The following ENO3 variants were observed in gnomAD, a reference collection of about 807,000 sequenced individuals.
ENO3 encodes the protein enolase 3.
Under a neutral mutation model 47.7 loss-of-function variants are expected in ENO3, and 46 were observed. The observed-to-expected ratio is 0.96, with a 90% CI of 0.76 to 1.23. The LOEUF (loss-of-function observed/expected upper bound fraction) is 1.23. Among genes scored for constraint, ENO3 ranks in the 50% most tolerant of loss-of-function variants. ENO3 has a pLI of 0.00. For synonymous variants in ENO3, 223 were observed against 225.9 expected, an observed-to-expected ratio of 0.99 and a Z score of 0.11; for missense variants, 575 against 566.2, an observed-to-expected ratio of 1.02 and a Z score of -0.16.
In ENO3 at chr17:4,957,012, G is replaced by C; in HGVS notation, c.1270G>C (p.Ala424Pro). Residue 424 changes from alanine to proline, a missense_variant, in exon 12 of 12, where the codon GCT (alanine) becomes CCT (proline). Transcript: ENST00000519602. ...EEALGDKAIF[A>P]GRKFRNPKAK is the part of the protein sequence containing the mutation. ...GGCTCTTGGGGACAAGGCAATCTTT[G>C]CTGGACGCAAGTTCCGTAACCCGAA... 1 of 1,614,198 alleles carries C rather than the reference G, an allele frequency of 6.2e-7. No individual in the cohort carries two copies. The highest frequency in any genetic ancestry group is 8.5e-7 in the Non-Finnish European group (1 of 1,180,036).
At chr17:4,955,350 G>A (rs1971688685) in intron 7 of ENO3, 53 bp downstream of exon 7, 1 of 1,613,972 alleles carries the variant, frequency 6.2e-7, no homozygotes, top group East Asian at 2.2e-5. Context: ...ACATGGGCAG[G>A]GGAGGCTGCA....
At chr17:4,952,512 A>G (rs145626703) in intron 2 of ENO3, among the ~76,000 whole-genome samples, 20 of 151,804 alleles carry the variant, frequency 1.3e-4, no homozygotes, top group Admixed American at 5.9e-4. Context: ...TTTAGTAGAG[A>G]TGGGGTTTCA....
Position 4,956,987 on chromosome 17 carries a change from G to A in ENO3, c.1245G>A (p.Glu415=). 6.2e-7 allele frequency: 1 copy of A among 1,614,236 alleles called. No individual in the cohort carries two copies. The highest frequency in any genetic ancestry group is 8.5e-7 in the Non-Finnish European group (1 of 1,180,046). The change falls in exon 12 of 12, where the codon GAG becomes GAA. Residue 415 remains glutamate, a synonymous_variant. Coordinates refer to ENST00000519602, the MANE Select transcript of ENO3 (RefSeq NM_053013.4). ...CTTGCCTGCATTCTAGGATCGAGGA[G>A]GCTCTTGGGGACAAGGCAATCTTTG... The part of the protein sequence containing the change: ...AKYNQLMRIE[E]ALGDKAIFAG...
chr17:4,956,667 C>T lies in ENO3; in HGVS notation c.1162C>T (p.Leu388Phe). The change falls in exon 10 of 12, where the codon CTC (leucine) becomes TTC (phenylalanine). Residue 388 changes from leucine to phenylalanine, a missense_variant. Leu to Phe is a conservative substitution (Grantham distance 22). Transcript: ENST00000519602. The part of the protein sequence containing the change: ...DTFIADLVVG[L>F]CTGQIKTGAP... ...ATTCATTGCTGACCTTGTGGTGGGG[C>T]TCTGCACAGGACAGGTACTTGTAGC... 6.2e-7 allele frequency: 1 copy of T among 1,614,198 alleles called. No individual in the cohort carries two copies. Among genetic ancestry groups the T allele is most frequent in the Non-Finnish European group, 8.5e-7 (1 of 1,180,040 alleles).
At chr17:4,953,912 G>T in intron 6 of ENO3, 67 bp downstream of exon 6, 1 of 1,611,630 alleles carries the variant, frequency 6.2e-7, no homozygotes, top group Non-Finnish European at 8.5e-7. Flanking sequence ...AGCCAGGGTT[G>T]GCCCCCCTGG....
intron 4 of ENO3, 62 bp downstream of exon 4, chr17:4,953,171 C>A: frequency 6.2e-7 from 1 of 1,613,058 alleles, no homozygotes; most frequent in Non-Finnish European, 8.5e-7. Context: ...TCAGCCCAGA[C>A]AGGCCTCTCC....
intron 1 of ENO3, 118 bp from the exon 2 acceptor site, chr17:4,951,710 G>A: frequency 9.0e-7 from 1 of 1,112,842 alleles, no homozygotes; most frequent in South Asian, 1.2e-5. Context: ...CTTTTTGTAG[G>A]GTATTTTTAG....
upstream of ENO3, among the ~76,000 whole-genome samples, chr17:4,949,646 C>T (rs1356220201): frequency 1.3e-5 from 2 of 152,142 alleles, no homozygotes; most frequent in African/African-American, 2.4e-5. Flanking sequence ...GCGGCGGCCG[C>T]GGTGAAACCG....
intron 2 of ENO3, chr17:4,952,183 T>G: frequency 1.9e-6 from 1 of 526,342 alleles, no homozygotes; most frequent in Non-Finnish European, 3.6e-6. Flanking sequence ...TTTTTTTGTT[T>G]TGTTTTGTTT....
Position 4,955,392 on chromosome 17 carries a change from T to G in ENO3, c.668-15T>G, listed in dbSNP as rs762262806. 3 of 1,614,256 alleles carry G rather than the reference T, an allele frequency of 1.9e-6. No individual in the cohort carries two copies. Among genetic ancestry groups the G allele is most frequent in the South Asian group, 1.1e-5 (1 of 91,090 alleles). On this transcript the variant is annotated splice_polypyrimidine_tract_variant and intron_variant, in intron 7 of 11. Coordinates refer to ENST00000519602, the MANE Select transcript of ENO3 (RefSeq NM_053013.4). ...GGGCACTGGAGTCTCAGGTCCTTTCTTGGTCCTCCCCCAGCCCTGGAGCTG... is the reference window on the plus strand; with the variant it reads ...GGGCACTGGAGTCTCAGGTCCTTTCGTGGTCCTCCCCCAGCCCTGGAGCTG...
chr17:4,949,464 C>A (rs1021208786), upstream of ENO3, among the ~76,000 whole-genome samples: 1 of 152,186 alleles, frequency 6.6e-6, no homozygotes, highest in African/African-American at 2.4e-5. Context: ...AGCGCGGACA[C>A]CCGCGGGGCT....
intron 6 of ENO3, 125 bp downstream of exon 6, chr17:4,953,970 G>A: frequency 6.9e-7 from 1 of 1,440,368 alleles, no homozygotes; most frequent in Non-Finnish European, 9.5e-7. Context: ...TCCTGAAATT[G>A]AATCTCTCCT....
rs143749502 is a variant in ENO3 at position 4,953,727 on chromosome 17, A to C, written c.326A>C (p.Asn109Thr). ...GTENKSKFGA[N>T]AILGVSLAVC... ...CTCCTTCCAGCCAAGTTTGGGGCCA[A>C]TGCCATCCTGGGCGTGTCCTTGGCC... Residue 109 changes from asparagine to threonine, a missense_variant, in exon 6 of 12, where the codon AAT becomes ACT. By Grantham distance (65) the Asn-to-Thr change is moderately conservative. Coordinates refer to ENST00000519602, the MANE Select transcript of ENO3 (RefSeq NM_053013.4). 6.2e-7 allele frequency: 1 copy of C among 1,614,224 alleles called. No individual in the cohort carries two copies. The highest frequency in any genetic ancestry group is 1.7e-5 in the Admixed American group (1 of 60,024).
At chr17:4,955,631 C>A in intron 8 of ENO3, 27 bp downstream of exon 8, 1 of 1,613,888 alleles carries the variant, frequency 6.2e-7, no homozygotes, top group Non-Finnish European at 8.5e-7. Context: ...TCCCAGTGTT[C>A]CTGCCCGAAT....
At chr17:4,952,981 T>C in intron 3 of ENO3, 70 bp from the exon 4 acceptor site, 1 of 1,612,008 alleles carries the variant, frequency 6.2e-7, no homozygotes, top group Non-Finnish European at 8.5e-7. Context: ...CCAAGGCTCT[T>C]GAGGAGCTGG....
At chr17:4,952,213 G>A (rs772340991) in intron 2 of ENO3, 16 of 450,000 alleles carry the variant, frequency 3.6e-5, no homozygotes, top group Non-Finnish European at 5.1e-5. Context: ...GTCTCGCTCT[G>A]TGGCCCGGGC....
upstream of ENO3, among the ~76,000 whole-genome samples, chr17:4,949,845 C>T (rs1460725292): frequency 6.6e-6 from 1 of 152,136 alleles, no homozygotes; most frequent in Non-Finnish European, 1.5e-5. Flanking sequence ...TCCTCGACAG[C>T]CGCGCGGCTG....
Position 4,955,974 on chromosome 17 carries a change from G to C in ENO3, c.898G>C (p.Asp300His). ...VSIEDPFDQD[D>H]WATWTSFLSG... ...CATCGAAGACCCCTTTGACCAGGATGACTGGGCCACTTGGACCTCCTTCCT... is the reference window on the plus strand; with the variant it reads ...CATCGAAGACCCCTTTGACCAGGATCACTGGGCCACTTGGACCTCCTTCCT... Residue 300 changes from aspartate to histidine, a missense_variant, in exon 9 of 12, where the codon GAC becomes CAC. Coordinates refer to ENST00000519602, the MANE Select transcript of ENO3 (RefSeq NM_053013.4). The C allele has an allele frequency of 1.9e-6, 3 of 1,613,484 alleles. No homozygotes were observed. The highest frequency in any genetic ancestry group is 2.5e-6 in the Non-Finnish European group (3 of 1,179,936).
intron 1 of ENO3, chr17:4,951,586 G>A: frequency 5.9e-6 from 3 of 506,350 alleles, no homozygotes; most frequent in South Asian, 4.0e-5. Flanking sequence ...CTTGGTGAGC[G>A]GTGGCATCCC....
Sources: allele counts gnomAD v4.1 joint callset (sites outside exome capture counted in the v4.1 genomes callset), GRCh38; gene constraint gnomAD v4.1.1; transcripts MANE v1.5; gene names NCBI Gene and HGNC (gene_info 2026-07-23, HGNC 2026-07-21).